Variants in RFX7 observed in about 807,000 individuals in gnomAD.
RFX7 encodes regulatory factor X7.
Under a neutral mutation model 111.8 loss-of-function variants are expected in RFX7, and 26 were observed. The ratio of observed to expected loss-of-function variants is 0.23; its 90% confidence interval spans 0.17 to 0.32. The LOEUF is 0.32. Among genes scored for constraint, RFX7 ranks in the 10% least tolerant of loss-of-function variants. RFX7 has a pLI of 1.00. For missense variants in RFX7, 1,573 were observed against 1,772.9 expected (o/e 0.89, Z 2.02); for synonymous variants, 624 against 624.4 (o/e 1.00, Z 0.01).
At chr15:56,201,109 G>C (rs1490546351) in intron 2 of RFX7, among the ~76,000 whole-genome samples, 3 of 152,128 alleles carry the variant, frequency 2.0e-5, no homozygotes, top group Non-Finnish European at 2.9e-5. Flanking sequence ...CTATACCAGT[G>C]TCTCATATAA....
In RFX7 at chr15:56,243,542, G is replaced by A; in HGVS notation, c.-100C>T. ...GCCGGGGCGCTTCACCGCGGGAGAG[G>A]CATGGCGGCGCCCCTCAGCCCCCCG... is the stretch of plus-strand genomic sequence containing the variant. On this transcript the variant is annotated 5_prime_UTR_variant, in exon 1 of 10. Transcript: ENST00000559447. The A allele has an allele frequency of 2.0e-6, 2 of 982,126 alleles. No homozygotes were observed. Among genetic ancestry groups the A allele is most frequent in the South Asian group, 4.7e-5 (1 of 21,196 alleles). 60.8% of individuals were successfully genotyped at this position (982,126 alleles called of 1,614,324 possible).
intron 3 of RFX7, among the ~76,000 whole-genome samples, chr15:56,175,706 A>T (rs746603598): frequency 2.0e-5 from 3 of 152,194 alleles, no homozygotes; most frequent in Admixed American, 6.5e-5. Flanking sequence ...ACTTAAAGCA[A>T]ACACAAATTT....
intron 3 of RFX7, among the ~76,000 whole-genome samples, chr15:56,145,038 C>T (rs2042449765): frequency 6.6e-6 from 1 of 152,140 alleles, no homozygotes; most frequent in Non-Finnish European, 1.5e-5. Flanking sequence ...TAACTCTTTC[C>T]AGACCTTACA....
intron 2 of RFX7, chr15:56,193,159 C>A: frequency 4.6e-6 from 1 of 219,778 alleles, no homozygotes. Flanking sequence ...CTGCAGCAAC[C>A]TGTGTGATGC....
chr15:56,138,398 T>G (rs536725294), intron 5 of RFX7, among the ~76,000 whole-genome samples: 3 of 150,722 alleles, frequency 2.0e-5, no homozygotes, highest in East Asian at 4.2e-4. Flanking sequence ...TTGATCTTTG[T>G]TGGTTTAAAG....
intron 5 of RFX7, among the ~76,000 whole-genome samples, chr15:56,135,897 C>G (rs1473409610): frequency 3.9e-5 from 6 of 152,096 alleles, no homozygotes; most frequent in African/African-American, 1.4e-4. Flanking sequence ...GCTTGTTTTT[C>G]TCAGGTTCGT....
intron 2 of RFX7, among the ~76,000 whole-genome samples, chr15:56,214,328 T>C (rs1452276617): frequency 1.3e-5 from 2 of 152,072 alleles, no homozygotes; most frequent in Non-Finnish European, 2.9e-5. Context: ...TATTAAGAAA[T>C]AAAAAATCTG....
chr15:56,203,741 G>A (rs1405040768), intron 2 of RFX7, among the ~76,000 whole-genome samples: 2 of 152,114 alleles, frequency 1.3e-5, no homozygotes, highest in African/African-American at 4.8e-5. Flanking sequence ...GTTTACAAAT[G>A]CCACGGCAAT....
At chr15:56,149,138 G>C (rs1186753931) in intron 3 of RFX7, among the ~76,000 whole-genome samples, 2 of 151,892 alleles carry the variant, frequency 1.3e-5, no homozygotes. Context: ...CCCCTCTGTG[G>C]CACCTTGGAA....
rs1233168281 is a variant in RFX7, at chr15:56,095,329, T to C, written c.2399A>G (p.Gln800Arg). The change falls in exon 10 of 10, where the codon CAA becomes CGA. Residue 800 changes from glutamine (Q) to arginine (R), a missense_variant. Gln to Arg is a conservative substitution (Grantham distance 43, BLOSUM62 1). Around this residue, in one of 7 missense-constraint regions of RFX7, gnomAD observed 625 missense variants for 632.2 expected, o/e 0.99. Transcript: ENST00000559447. ...AGGAATTGTCATAACACTGATATCT[T>C]GCTGTTGTTCACAACTGGCAGATAT... ...EFISASCEQQ[Q>R]DISVMTIPEH... The C allele has an allele frequency of 5.0e-6, 8 of 1,613,774 alleles. No individual in the cohort carries two copies. In the African/African-American group the frequency reaches 1.1e-4, roughly 22 times the overall value.
At chr15:56,232,777 A>G (rs769618884) in intron 2 of RFX7, among the ~76,000 whole-genome samples, 1 of 152,178 alleles carries the variant, frequency 6.6e-6, no homozygotes. Flanking sequence ...TCTCTAGGGC[A>G]GGGGTAAAAT....
At chr15:56,231,389 A>G (rs1377200049) in intron 2 of RFX7, among the ~76,000 whole-genome samples, 2 of 152,176 alleles carry the variant, frequency 1.3e-5, no homozygotes, top group Non-Finnish European at 2.9e-5. Flanking sequence ...CAATCATGGC[A>G]AAAGTCTCGT....
intron 2 of RFX7, among the ~76,000 whole-genome samples, chr15:56,199,467 C>T (rs16976810): frequency 0.13 from 19,801 of 152,116 alleles, 1,674 homozygotes; most frequent in East Asian, 0.43. Flanking sequence ...GAGTACTGAA[C>T]AAATTGTGCT....
At chr15:56,185,924 TTTTCAGAGGAGTCTCATA>T (rs1409957241) in intron 2 of RFX7, among the ~76,000 whole-genome samples, 4 of 152,232 alleles carry the variant, frequency 2.6e-5, no homozygotes, top group African/African-American at 4.8e-5. Flanking sequence ...CAAAGATTAT[TTTTCAGAGGAGTCTCATA>T]TCCTGTGGGT....
chr15:56,127,696 C>T lies in RFX7; in HGVS notation c.401+15082G>A, dbSNP rs540334489. ...CCATGTAGCTGGGACTACAGGCGCGCGCCACCATGCCCGGCTAATTTTTGT... is the reference window on the plus strand; with the variant it reads ...CCATGTAGCTGGGACTACAGGCGCGTGCCACCATGCCCGGCTAATTTTTGT... On this transcript the variant is annotated intron_variant, in intron 5 of 9. Transcript: ENST00000559447. Among the ~76,000 whole-genome samples, 88 of 151,602 alleles carry T rather than the reference C, an allele frequency of 5.8e-4. 1 individual carries two copies. The South Asian group carries it at 0.015, about 26-fold the overall frequency.
Position 56,243,218 on chromosome 15 carries a change from G to A in RFX7, c.68C>T (p.Ala23Val). 7.5e-7 allele frequency: 1 copy of A among 1,333,698 alleles called. No individual in the cohort carries two copies. 82.6% of individuals were successfully genotyped at this position (1,333,698 alleles called of 1,614,324 possible). A position where few individuals can be genotyped will look rare whatever the true frequency, so the allele number is the denominator to read the frequency against. ...TGGCAGGGCCACCCCCGAGTTGGGG[G>A]CGCTGGGGGGAAGCTGCTGATGGGC... ...PDAHQQLPPS[A>V]PNSGVALPAL... The change falls in exon 2 of 10, where the codon GCC (alanine) becomes GTC (valine). Residue 23 changes from alanine (A) to valine (V), a missense_variant. Ala to Val is a moderately conservative substitution (Grantham distance 64). Coordinates refer to ENST00000559447, the MANE Select transcript of RFX7 (RefSeq NM_022841.7).
chr15:56,140,126 A>C (rs2042368450), intron 5 of RFX7, among the ~76,000 whole-genome samples: 2 of 152,128 alleles, frequency 1.3e-5, no homozygotes, highest in Non-Finnish European at 2.9e-5. Flanking sequence ...GGCCTCCTTG[A>C]GCTGTGGTGG....
Position 56,146,109 on chromosome 15 carries a change from G to GT in RFX7, c.196-1627dup, listed in dbSNP as rs1242632199. On this transcript the variant is annotated intron_variant, in intron 3 of 9. Transcript: ENST00000559447. The stretch of plus-strand genomic sequence containing the variant: ...TCCTGAAATTTTTTTTTGTCAAATT[G>GT]TTTTTTTTAAGAGAGTCTCACTCTG... Among the ~76,000 whole-genome samples the GT allele has an allele frequency of 7.9e-5, 12 of 151,456 alleles. No homozygotes were observed. In the South Asian group the frequency reaches 1.3e-3, roughly 16 times the overall value.
At chr15:56,150,167 C>G (rs534564686) in intron 3 of RFX7, among the ~76,000 whole-genome samples, 65 of 152,316 alleles carry the variant, frequency 4.3e-4, no homozygotes, top group African/African-American at 1.5e-3. Context: ...GGTGGCCAGA[C>G]TGCCTGATTG....
Sources: allele counts gnomAD v4.1 joint callset (sites outside exome capture counted in the v4.1 genomes callset), GRCh38; gene constraint gnomAD v4.1.1; regional missense constraint gnomAD v4.1.1; transcripts MANE v1.5; gene names NCBI Gene and HGNC (gene_info 2026-07-23, HGNC 2026-07-21).